RETREG1: variants seen among roughly 807,000 people sequenced by gnomAD.
The protein encoded by RETREG1 is reticulophagy regulator 1.
RETREG1 carries 44 observed loss-of-function variants against 54.8 expected under a neutral mutation model. The ratio of observed to expected loss-of-function variants is 0.80; its 90% CI spans 0.63 to 1.03. The LOEUF (loss-of-function observed/expected upper bound fraction) is 1.03, where lower values mean the gene tolerates loss of function less well. Among genes scored for constraint, RETREG1 ranks in the 50% least tolerant of loss-of-function variants. RETREG1 has a pLI of 0.00. For synonymous variants in RETREG1, 217 were observed against 238.5 expected (o/e 0.91, Z 0.83); for missense variants, 554 against 605.1 (o/e 0.92, Z 0.89).
intron 1 of RETREG1, among the ~76,000 whole-genome samples, chr5:16,584,079 G>A (rs1742563005): frequency 6.6e-6 from 1 of 152,048 alleles, no homozygotes; most frequent in African/African-American, 2.4e-5. Context: ...CTCATAAGTG[G>A]GAGCTAAGCT....
chr5:16,577,160 C>G (rs990337813), intron 1 of RETREG1, among the ~76,000 whole-genome samples: 2 of 152,110 alleles, frequency 1.3e-5, no homozygotes, highest in African/African-American at 2.4e-5. Flanking sequence ...GTTCATTTCT[C>G]CAATAAAGTT....
At chr5:16,536,639 C>CT (rs1741083348) in intron 3 of RETREG1, among the ~76,000 whole-genome samples, 2 of 152,130 alleles carry the variant, frequency 1.3e-5, no homozygotes, top group Admixed American at 1.3e-4. Context: ...TCCCTCATCC[C>CT]ATCCAACAGG....
At chr5:16,520,619 C>T (rs1373918985) in intron 3 of RETREG1, among the ~76,000 whole-genome samples, 8 of 152,140 alleles carry the variant, frequency 5.3e-5, no homozygotes, top group African/African-American at 1.4e-4. Context: ...TTAGCCACCG[C>T]GCCCAGCCAA....
intron 3 of RETREG1, chr5:16,508,577 C>A (rs1215590381): frequency 6.2e-7 from 1 of 1,614,018 alleles, no homozygotes; most frequent in Non-Finnish European, 8.5e-7. Flanking sequence ...ATCACAATTA[C>A]CTTTTGCCTG....
chr5:16,612,635 T>C (rs1263006251), intron 1 of RETREG1, among the ~76,000 whole-genome samples: 3 of 152,362 alleles, frequency 2.0e-5, no homozygotes, highest in African/African-American at 7.2e-5. Context: ...TATGGGACTG[T>C]TACCCAATCT....
rs759194355 is a variant in RETREG1, at chr5:16,481,055, C to T, written c.624G>A (p.Thr208=). Residue 208 remains threonine (T), a synonymous_variant, in exon 5 of 9, where the codon ACG becomes ACA. Coordinates refer to ENST00000306320, the MANE Select transcript of RETREG1 (RefSeq NM_001034850.3). ...LLVCSVCTFF[T]ILGSYIPGVI... is the part of the protein sequence containing the mutation. ...CCCCAGGAATGTAACTTCCCAAGAT[C>T]GTAAAAAATGTGCACACACTACAGA... 13 of 1,611,678 alleles carry T rather than the reference C, an allele frequency of 8.1e-6. No individual in the cohort carries two copies. Among genetic ancestry groups the T allele is most frequent in the South Asian group, 3.3e-5 (3 of 91,038 alleles).
chr5:16,610,503 A>G (rs1168957345), intron 1 of RETREG1, among the ~76,000 whole-genome samples: 1 of 152,166 alleles, frequency 6.6e-6, no homozygotes, highest in African/African-American at 2.4e-5. Flanking sequence ...TTTGCAATCT[A>G]CTCATCTGAC....
chr5:16,477,675 T>C lies in RETREG1; in HGVS notation c.987A>G (p.Thr329=), dbSNP rs1738594673. The change falls in exon 8 of 9, where the codon ACA becomes ACG. Residue 329 remains threonine (T), a synonymous_variant. Transcript: ENST00000306320. The stretch of plus-strand genomic sequence containing the variant: ...ATATTAGCATACCATCAGAAGTGTC[T>C]GTCTGTGGAGTGTATCCTTCTGAAA... ...FNLSEGYTPQ[T]DTSDDLDRPS... The C allele has an allele frequency of 6.2e-7, 1 of 1,613,126 alleles. No individual in the cohort carries two copies. Among genetic ancestry groups the C allele is most frequent in the East Asian group, 2.2e-5 (1 of 44,848 alleles).
chr5:16,572,175 T>C, intron 1 of RETREG1, 73 bp from the exon 2 acceptor site: 1 of 1,034,974 alleles, frequency 9.7e-7, no homozygotes. Flanking sequence ...GTTTACTTCC[T>C]GCCACAGAAA....
intron 3 of RETREG1, among the ~76,000 whole-genome samples, chr5:16,521,712 A>G (rs1740538876): frequency 6.6e-6 from 1 of 152,224 alleles, no homozygotes; most frequent in Non-Finnish European, 1.5e-5. Context: ...GAGCAATTAC[A>G]TATAACCTTC....
intron 3 of RETREG1, among the ~76,000 whole-genome samples, chr5:16,551,908 C>T (rs1741552826): frequency 6.6e-5 from 10 of 152,116 alleles, no homozygotes. Context: ...TTTTCCTTCA[C>T]TCATGGTCCC....
chr5:16,565,772 A>G lies in RETREG1; in HGVS notation c.449T>C (p.Leu150Pro), dbSNP rs754922960. 6.2e-7 allele frequency: 1 copy of G among 1,613,994 alleles called. No individual in the cohort carries two copies. The highest frequency in any genetic ancestry group is 8.5e-7 in the Non-Finnish European group (1 of 1,179,990). ...RTRGAQLWRS[L>P]SESWEVINSK... is the part of the protein sequence containing the mutation. ...AAAGAAAGTTCCCTACCTTTCACTG[A>G]GGCTTCTCCACAACTGTGCACCTGC... The change falls in exon 3 of 9, where the codon CTC (leucine) becomes CCC (proline). Residue 150 changes from leucine to proline, a missense_variant. This residue lies in a region of RETREG1 where 347 missense variants were observed against 412.3 expected (regional missense o/e 0.84). Transcript: ENST00000306320.
chr5:16,556,819 C>T (rs530251742), intron 3 of RETREG1, among the ~76,000 whole-genome samples: 1 of 152,146 alleles, frequency 6.6e-6, no homozygotes, highest in Non-Finnish European at 1.5e-5. Flanking sequence ...GGATACGATA[C>T]GCACCTCTTG....
intron 1 of RETREG1, among the ~76,000 whole-genome samples, chr5:16,573,533 G>C (rs1742240070): frequency 6.6e-6 from 1 of 152,110 alleles, no homozygotes; most frequent in African/African-American, 2.4e-5. Context: ...GAGAAGTAAA[G>C]AACACACGAA....
intron 1 of RETREG1, among the ~76,000 whole-genome samples, chr5:16,596,888 G>A (rs1488758957): frequency 6.6e-6 from 1 of 152,178 alleles, no homozygotes; most frequent in Non-Finnish European, 1.5e-5. Context: ...TTGGGCCTTG[G>A]AAGTACAAAA....
intron 3 of RETREG1, among the ~76,000 whole-genome samples, chr5:16,499,625 T>C (rs963384484): frequency 6.6e-5 from 10 of 152,232 alleles, no homozygotes; most frequent in African/African-American, 2.4e-4. Flanking sequence ...CAGCTCCTCC[T>C]GTTTTGTTTA....
intron 3 of RETREG1, among the ~76,000 whole-genome samples, chr5:16,533,488 A>G (rs1740973424): frequency 6.6e-6 from 1 of 152,186 alleles, no homozygotes; most frequent in Admixed American, 6.5e-5. Flanking sequence ...AGGCAGACCA[A>G]CCTAGTAGTC....
In RETREG1 at chr5:16,616,810, C is replaced by A. The variant is rs1743528443; in HGVS notation, c.162G>T (p.Gly54=). 6.6e-7 allele frequency: 1 copy of A among 1,519,220 alleles called. No individual in the cohort carries two copies. The highest frequency in any genetic ancestry group is 2.0e-5 in the Admixed American group (1 of 49,598). 94.1% of individuals were successfully genotyped at this position (1,519,220 alleles called of 1,614,324 possible). A position where few individuals can be genotyped will look rare whatever the true frequency, so the allele number is the denominator to read the frequency against. ...AQEAGAAEGA[G]LQVEEAAGRA... ...GGCCCGCGGCCTCCTCCACCTGCAACCCCGCGCCCTCCGCCGCCCCAGCTT... is the reference window on the plus strand; with the variant it reads ...GGCCCGCGGCCTCCTCCACCTGCAAACCCGCGCCCTCCGCCGCCCCAGCTT... The change falls in exon 1 of 9, where the codon GGG becomes GGT. Residue 54 remains glycine (G), a synonymous_variant. Transcript: ENST00000306320.
intron 2 of RETREG1, among the ~76,000 whole-genome samples, chr5:16,569,415 G>GC (rs778311617): frequency 9.9e-5 from 15 of 151,902 alleles, no homozygotes; most frequent in Admixed American, 2.6e-4. Flanking sequence ...GGGAGGCTCT[G>GC]CCTCGACAGA....
Sources: allele counts gnomAD v4.1 joint callset (sites outside exome capture counted in the v4.1 genomes callset), GRCh38; gene constraint gnomAD v4.1.1; regional missense constraint gnomAD v4.1.1; transcripts MANE v1.5; gene names NCBI Gene and HGNC (gene_info 2026-07-23, HGNC 2026-07-21).